DAB1: variants seen among roughly 807,000 people sequenced by gnomAD.
DAB1 encodes DAB adaptor protein 1.
A neutral mutation model predicts 64.6 loss-of-function variants in DAB1; 15 were observed. That is an observed-to-expected ratio of 0.23 (90% CI 0.16 to 0.36). The LOEUF is 0.36. DAB1 is among the 10% of genes least tolerant of loss of function. DAB1 has a pLI of 1.00. For synonymous variants in DAB1, 235 were observed against 251.9 expected (o/e 0.93, Z 0.64); for missense variants, 596 against 706.7 (o/e 0.84, Z 1.78).
chr1:58,345,702 A>G (rs1449356680), intron 3 of DAB1, among the ~76,000 whole-genome samples: 2 of 151,746 alleles, frequency 1.3e-5, no homozygotes, highest in African/African-American at 2.4e-5. Flanking sequence ...AGATACTCCA[A>G]TCCCCTCTCC....
intron 2 of DAB1, among the ~76,000 whole-genome samples, chr1:58,520,711 T>C (rs1264474636): frequency 1.3e-5 from 2 of 152,114 alleles, no homozygotes; most frequent in African/African-American, 4.8e-5. Context: ...GAAGTATTAC[T>C]AGAGACAGTG....
chr1:57,973,757 C>T lies in DAB1; in HGVS notation n.388-89595G>A, dbSNP rs145172990. ...CACTTCTTTCCACATTCACTACTAG[C>T]GTTCTTCTCCAAGTCGCCATCATTT... On this transcript the variant is annotated intron_variant and non_coding_transcript_variant, in intron 5 of 20. Transcript: ENST00000485760. Among the ~76,000 whole-genome samples the T allele has an allele frequency of 6.2e-3, 946 of 152,196 alleles. 11 individuals carry two copies. The highest frequency in any genetic ancestry group is 0.022 in the African/African-American group (893 of 41,532).
intron 4 of DAB1, among the ~76,000 whole-genome samples, chr1:58,313,944 G>C (rs1662491546): frequency 6.6e-6 from 1 of 151,776 alleles, no homozygotes; most frequent in Admixed American, 6.6e-5. Flanking sequence ...CATCACATTG[G>C]AGATTAGGAT....
chr1:57,426,932 C>G (rs1225664727), upstream of DAB1, among the ~76,000 whole-genome samples: 1 of 151,160 alleles, frequency 6.6e-6, no homozygotes, highest in Non-Finnish European at 1.5e-5. Flanking sequence ...GGCGCGATCT[C>G]GGCTCACTGC....
At chr1:57,257,530 G>T (rs1399441259) in intron 2 of DAB1, among the ~76,000 whole-genome samples, 2 of 152,168 alleles carry the variant, frequency 1.3e-5, no homozygotes, top group Non-Finnish European at 2.9e-5. Context: ...GATAGGTGAT[G>T]GTATCAGAAC....
At chr1:58,030,835 T>A (rs1436122481) in intron 5 of DAB1, among the ~76,000 whole-genome samples, 1 of 152,232 alleles carries the variant, frequency 6.6e-6, no homozygotes, top group African/African-American at 2.4e-5. Context: ...CAAAAATGTA[T>A]GAACCACTTA....
In DAB1 at chr1:58,005,127, T is replaced by C. The variant is rs186936390; in HGVS notation, n.388-120965A>G. Among the ~76,000 whole-genome samples the C allele has an allele frequency of 1.1e-3, 167 of 152,278 alleles. 1 individual carries two copies. Among genetic ancestry groups the C allele is most frequent in the Non-Finnish European group, 2.1e-4 (14 of 68,024 alleles). The stretch of plus-strand genomic sequence containing the variant: ...TTTACATATCATAAAATTCACCCAT[T>C]TCAATTGTATAATTCAATGATTTTT... On this transcript the variant is annotated intron_variant and non_coding_transcript_variant, in intron 5 of 20. Coordinates refer to the DAB1 transcript ENST00000485760.
chr1:57,478,861 A>G, intron 7 of DAB1, among the ~76,000 whole-genome samples: 1 of 151,954 alleles, frequency 6.6e-6, no homozygotes, highest in Middle Eastern at 3.4e-3. Flanking sequence ...CGGACTCCCA[A>G]AGTGCTGGGA....
At chr1:57,311,183 A>AT (rs2100732686) in intron 1 of DAB1, among the ~76,000 whole-genome samples, 1 of 152,336 alleles carries the variant, frequency 6.6e-6, no homozygotes, top group East Asian at 1.9e-4. Flanking sequence ...ACACGGCCTT[A>AT]TAATGGCTGT....
chr1:58,057,535 A>G (rs998498337), intron 5 of DAB1, among the ~76,000 whole-genome samples: 3 of 152,188 alleles, frequency 2.0e-5, no homozygotes, highest in Non-Finnish European at 4.4e-5. Context: ...CATAAGTAGA[A>G]CAGCCATGTA....
intron 2 of DAB1, among the ~76,000 whole-genome samples, chr1:58,519,232 T>A (rs1191159026): frequency 6.6e-6 from 1 of 152,196 alleles, no homozygotes; most frequent in East Asian, 1.9e-4. Flanking sequence ...CAAACCAGTT[T>A]ACTTGTTTTT....
At chr1:57,270,883 C>G (rs1670940757) in intron 2 of DAB1, among the ~76,000 whole-genome samples, 1 of 152,158 alleles carries the variant, frequency 6.6e-6, no homozygotes, top group Non-Finnish European at 1.5e-5. Flanking sequence ...TTGGAAACAT[C>G]ATACCTGAGC....
chr1:57,127,133 G>A (rs184992779), intron 4 of DAB1, among the ~76,000 whole-genome samples: 6 of 151,992 alleles, frequency 3.9e-5, no homozygotes, highest in South Asian at 4.2e-4. Flanking sequence ...AAATAACCAC[G>A]GCACAGTCAT....
chr1:57,465,982 G>A (rs1221015285), intron 7 of DAB1, among the ~76,000 whole-genome samples: 48 of 152,108 alleles, frequency 3.2e-4, no homozygotes. Flanking sequence ...TGTTCTTGGA[G>A]GTTGATGAAA....
At chr1:57,220,329 G>C (rs938473730) in intron 2 of DAB1, among the ~76,000 whole-genome samples, 1 of 152,110 alleles carries the variant, frequency 6.6e-6, no homozygotes, top group Non-Finnish European at 1.5e-5. Context: ...CAGCTGCATC[G>C]TTTCATCATG....
chr1:57,071,380 T>A, intron 6 of DAB1, 142 bp downstream of exon 6: 1 of 966,354 alleles, frequency 1.0e-6, no homozygotes, highest in Non-Finnish European at 1.5e-6. Context: ...ATGGCTTGCT[T>A]TGGGTCCTGT....
intron 4 of DAB1, among the ~76,000 whole-genome samples, chr1:58,185,890 T>C (rs560028992): frequency 9.8e-5 from 15 of 152,292 alleles, no homozygotes; most frequent in African/African-American, 2.9e-4. Flanking sequence ...ATCTGTGGCA[T>C]GTGGATAGGG....
rs548977353 is a variant in DAB1, at chr1:58,071,363, G to GGTGTGTGTGTGTGT, written n.387+79134_387+79147dup. ...AACTCTACCTCCATCAAAGGAGAAT[G>GGTGTGTGTGTGTGT]GTGTGTGTGTGTGTGTGTGTGTGTG... is the stretch of plus-strand genomic sequence containing the variant. On this transcript the variant is annotated intron_variant and non_coding_transcript_variant, in intron 5 of 20. Coordinates refer to the DAB1 transcript ENST00000485760. Among the ~76,000 whole-genome samples, 954 of 135,762 alleles carry GGTGTGTGTGTGTGT rather than the reference G, an allele frequency of 7.0e-3. 5 individuals carry two copies. Among genetic ancestry groups the GGTGTGTGTGTGTGT allele is most frequent in the Non-Finnish European group, 9.8e-3 (625 of 63,808 alleles). The allele number at this position is 135,762 out of a possible 152,430, so 89.1% of individuals were successfully genotyped here. A position where few individuals can be genotyped will look rare whatever the true frequency, so the allele number is the denominator to read the frequency against.
intron 5 of DAB1, among the ~76,000 whole-genome samples, chr1:58,122,793 C>T (rs764515023): frequency 8.5e-5 from 13 of 152,114 alleles, no homozygotes; most frequent in African/African-American, 2.9e-4. Flanking sequence ...AAAATTAACA[C>T]ATTTCTGAAG....
Sources: gnomAD v4.1 joint callset for allele counts (sites outside exome capture counted in the v4.1 genomes callset) on GRCh38, gnomAD v4.1.1 for gene constraint, MANE v1.5 for transcripts, NCBI Gene and HGNC (gene_info 2026-07-23, HGNC 2026-07-21) for gene names.